The following COG3 variants were observed in gnomAD, a reference collection of about 807,000 sequenced individuals.
COG3 encodes the protein conserved oligomeric Golgi complex subunit 3.
A neutral mutation model predicts 114.1 loss-of-function variants in COG3; 32 were observed. The ratio of observed to expected loss-of-function variants is 0.28; its 90% CI spans 0.21 to 0.38. The LOEUF (loss-of-function observed/expected upper bound fraction) is 0.38, where lower values mean the gene tolerates loss of function less well. COG3 is among the 10% of genes least tolerant of loss of function. The pLI, the probability that COG3 is intolerant of heterozygous loss-of-function variation, is 1.00. For missense variants in COG3, 813 were observed against 973.2 expected (o/e 0.84, Z 2.19); for synonymous variants, 352 against 365.7 (o/e 0.96, Z 0.43).
intron 1 of COG3, among the ~76,000 whole-genome samples, chr13:45,470,192 G>A (rs1885390946): frequency 6.6e-6 from 1 of 152,076 alleles, no homozygotes; most frequent in African/African-American, 2.4e-5. Flanking sequence ...CTGTTATTTG[G>A]GTTTAAGGTA....
intron 1 of COG3, among the ~76,000 whole-genome samples, chr13:45,469,944 C>T (rs1187275730): frequency 6.6e-6 from 1 of 152,118 alleles, no homozygotes; most frequent in African/African-American, 2.4e-5. Context: ...GAAAAACTCT[C>T]AAATTATAAA....
At chr13:45,521,680 A>G (rs1872159602) in intron 19 of COG3, among the ~76,000 whole-genome samples, 1 of 152,204 alleles carries the variant, frequency 6.6e-6, no homozygotes, top group African/African-American at 2.4e-5. Flanking sequence ...TGTTACTAGC[A>G]TTCTGAATAG....
chr13:45,504,686 G>C (rs759069550), intron 14 of COG3, among the ~76,000 whole-genome samples: 9 of 152,188 alleles, frequency 5.9e-5, no homozygotes, highest in Non-Finnish European at 1.3e-4. Flanking sequence ...TGGCACCTCA[G>C]ATGTGAGGGT....
chr13:45,476,456 TTAAG>T (rs1485781833), intron 2 of COG3, 109 bp downstream of exon 2: 1 of 1,129,292 alleles, frequency 8.9e-7, no homozygotes, highest in Non-Finnish European at 1.3e-6. Flanking sequence ...ATAATTAACA[TTAAG>T]TCTTTCTAGA....
intron 11 of COG3, among the ~76,000 whole-genome samples, chr13:45,492,956 C>T (rs975887819): frequency 1.2e-4 from 18 of 152,082 alleles, no homozygotes; most frequent in African/African-American, 4.3e-4. Context: ...TTAAACTTGT[C>T]TTTCCTCGGG....
intron 5 of COG3, among the ~76,000 whole-genome samples, chr13:45,482,041 A>G (rs1886278209): frequency 6.6e-6 from 1 of 152,168 alleles, no homozygotes; most frequent in Non-Finnish European, 1.5e-5. Context: ...AAGTAGAAAA[A>G]TTATGTATAT....
At chr13:45,486,442 AT>A in intron 7 of COG3, 52 bp from the exon 8 acceptor site, 4 of 1,149,894 alleles carry the variant, frequency 3.5e-6, no homozygotes, top group Non-Finnish European at 5.3e-6. Flanking sequence ...GGTTTTCTGA[AT>A]TATTTGTTTG....
At chr13:45,473,147 G>C (rs1048331058) in intron 1 of COG3, among the ~76,000 whole-genome samples, 5 of 152,136 alleles carry the variant, frequency 3.3e-5, no homozygotes, top group African/African-American at 1.2e-4. Context: ...GGGATTACAG[G>C]TGTGAGCCAC....
At chr13:45,500,094 G>GTGTGTGTGTGTA (rs1321310200) in intron 13 of COG3, among the ~76,000 whole-genome samples, 1 of 114,840 alleles carries the variant, frequency 8.7e-6, no homozygotes, top group African/African-American at 3.5e-5. Context: ...GTGTGTGTGT[G>GTGTGTGTGTGTA]TATATATATA....
chr13:45,495,137 C>T (rs1868606526), intron 12 of COG3, among the ~76,000 whole-genome samples: 1 of 140,502 alleles, frequency 7.1e-6, no homozygotes, highest in African/African-American at 2.6e-5. Flanking sequence ...AGCCACCACG[C>T]CTGGCCTCTT....
chr13:45,490,831 T>C (rs1886973561), intron 8 of COG3, 84 bp from the exon 9 acceptor site: 2 of 667,590 alleles, frequency 3.0e-6, no homozygotes, highest in Non-Finnish European at 4.8e-6. Context: ...TTTCTGAATA[T>C]GTGATACAAT....
chr13:45,527,295 T>C (rs529361748), intron 20 of COG3, among the ~76,000 whole-genome samples: 26 of 152,352 alleles, frequency 1.7e-4, no homozygotes, highest in African/African-American at 6.3e-4. Context: ...AAGGACAGAT[T>C]GAAGTAGGAC....
At chr13:45,475,226 C>T (rs1593676445) in intron 1 of COG3, among the ~76,000 whole-genome samples, 1 of 151,978 alleles carries the variant, frequency 6.6e-6, no homozygotes, top group South Asian at 2.1e-4. Flanking sequence ...TTTTTTTAGA[C>T]AGGGCCTCAC....
chr13:45,470,868 G>A (rs1885429722), intron 1 of COG3, among the ~76,000 whole-genome samples: 1 of 152,222 alleles, frequency 6.6e-6, no homozygotes, highest in African/African-American at 2.4e-5. Flanking sequence ...TTCAGCTTAT[G>A]ACTTTCTGAC....
chr13:45,479,749 G>A (rs972647319), intron 3 of COG3, among the ~76,000 whole-genome samples: 10 of 152,122 alleles, frequency 6.6e-5, no homozygotes. Context: ...TAGAATTCTT[G>A]CCATGACATC....
chr13:45,490,004 A>G (rs1886926011), intron 8 of COG3, among the ~76,000 whole-genome samples: 1 of 152,166 alleles, frequency 6.6e-6, no homozygotes, highest in African/African-American at 2.4e-5. Flanking sequence ...TCTACACGGT[A>G]TTGGGAAGAT....
chr13:45,486,484 T>C lies in COG3; in HGVS notation c.844-11T>C. The C allele has an allele frequency of 1.3e-6, 2 of 1,547,180 alleles. No homozygotes were observed. Among genetic ancestry groups the C allele is most frequent in the Non-Finnish European group, 1.8e-6 (2 of 1,119,368 alleles). On this transcript the variant is annotated splice_polypyrimidine_tract_variant and intron_variant, in intron 7 of 22. Transcript: ENST00000349995. The stretch of plus-strand genomic sequence containing the variant: ...TATCTTCCTTCCTTATCCTCCCCCA[T>C]GTTTCTTTAGGATCCTTCATCTGTA...
chr13:45,481,174 C>T, intron 4 of COG3, 56 bp from the exon 5 acceptor site: 1 of 899,364 alleles, frequency 1.1e-6, no homozygotes, highest in Non-Finnish European at 1.8e-6. Flanking sequence ...TTGAGACTGG[C>T]ATGTTGATTC....
chr13:45,496,819 G>A (rs910596827), intron 13 of COG3, among the ~76,000 whole-genome samples: 3 of 151,708 alleles, frequency 2.0e-5, no homozygotes, highest in Admixed American at 6.6e-5. Flanking sequence ...GACTACAGGC[G>A]CCCGCCACCA....
Sources: gnomAD v4.1 joint callset for allele counts (sites outside exome capture counted in the v4.1 genomes callset) on GRCh38, gnomAD v4.1.1 for gene constraint, MANE v1.5 for transcripts, NCBI Gene and HGNC (gene_info 2026-07-23, HGNC 2026-07-21) for gene names.